The following CALN1 variants were observed in gnomAD, a reference collection of about 807,000 sequenced individuals.
The protein encoded by CALN1 is calcium-binding protein 8.
In CALN1, 17 loss-of-function variants were observed where a neutral mutation model predicts 30.6. The observed-to-expected ratio is 0.56, with a 90% confidence interval of 0.38 to 0.83. The LOEUF is 0.83. CALN1 is among the 40% of genes least tolerant of loss of function. The probability of loss-of-function intolerance (pLI) is 0.00; values close to 1 mark genes in which losing one functional copy is unlikely to be tolerated. For synonymous variants in CALN1, 156 were observed against 131.4 expected, an observed-to-expected ratio of 1.19 and a Z score of -1.28; for missense variants, 291 against 354.9, an observed-to-expected ratio of 0.82 and a Z score of 1.45.
At chr7:71,953,475 C>T (rs1468600422) in intron 5 of CALN1, among the ~76,000 whole-genome samples, 1 of 152,006 alleles carries the variant, frequency 6.6e-6, no homozygotes, top group Admixed American at 6.6e-5. Context: ...GATATAGTCA[C>T]CTCTTCTTCT....
rs145001215 is a variant in CALN1 at position 71,947,260 on chromosome 7, C to G, written c.501+76397G>C. On this transcript the variant is annotated intron_variant, in intron 5 of 6. Coordinates refer to ENST00000395275, the MANE Select transcript of CALN1 (RefSeq NM_031468.4). ...TCCTGACCTCAGGCGATCTGCCCAC[C>G]TCGGCCTCCCGAACTGCCGAGATTA... Among the ~76,000 whole-genome samples the G allele has an allele frequency of 9.2e-3, 1,401 of 152,286 alleles. 20 individuals are homozygous for G. The highest frequency in any genetic ancestry group is 0.031 in the African/African-American group (1,279 of 41,560).
At position 72,051,803 on chromosome 7, in the gene CALN1, G is replaced by GTA. The variant is rs146120784; in HGVS notation, c.389-28035_389-28034insTA. Among the ~76,000 whole-genome samples the GTA allele has an allele frequency of 8.5e-4, 130 of 152,246 alleles. 1 individual carries two copies. Among genetic ancestry groups the GTA allele is most frequent in the African/African-American group, 3.1e-3 (129 of 41,542 alleles). ...AATCAATAGACACAATAAAAAGTGT[G>GTA]GTGGTCTCTATGGAAGCTGCAAACA... On this transcript the variant is annotated intron_variant, in intron 4 of 6. Coordinates refer to ENST00000395275, the MANE Select transcript of CALN1 (RefSeq NM_031468.4).
Position 72,408,487 on chromosome 7 carries a change from T to C in CALN1, c.-74+3571A>G, listed in dbSNP as rs542389580. 1.3e-3 allele frequency among the ~76,000 whole-genome samples: 194 copies of C among 151,904 alleles called. 3 individuals carry two copies. Among genetic ancestry groups the C allele is most frequent in the African/African-American group, 4.3e-3 (178 of 41,412 alleles). On this transcript the variant is annotated intron_variant, in intron 1 of 6. Coordinates refer to ENST00000395275, the MANE Select transcript of CALN1 (RefSeq NM_031468.4). The stretch of plus-strand genomic sequence containing the variant: ...AGAGATAATAAAGACAAAGACTCTC[T>C]AGACGTGAAGGTCAGAGAGCGTAAC...
Position 71,813,652 on chromosome 7 carries a change from G to A in CALN1, c.502-3160C>T, listed in dbSNP as rs572244396. Among the ~76,000 whole-genome samples, 29 of 152,234 alleles carry A rather than the reference G, an allele frequency of 1.9e-4. No individual in the cohort carries two copies. In the South Asian group the frequency reaches 3.5e-3, roughly 19 times the overall value. ...CAAACTTTAAAAGATCTTTGGGGCCGGGCGCGGTGGCTCACGCCTGTCATC... is the reference window on the plus strand; with the variant it reads ...CAAACTTTAAAAGATCTTTGGGGCCAGGCGCGGTGGCTCACGCCTGTCATC... On this transcript the variant is annotated intron_variant, in intron 5 of 6. Coordinates refer to ENST00000395275, the MANE Select transcript of CALN1 (RefSeq NM_031468.4).
intron 5 of CALN1, among the ~76,000 whole-genome samples, chr7:71,942,012 A>C (rs1390845831): frequency 1.3e-5 from 2 of 152,146 alleles, no homozygotes; most frequent in Non-Finnish European, 2.9e-5. Flanking sequence ...CAGCCTGGCC[A>C]ACATAGTGAA....
At chr7:71,925,071 T>G (rs1437497271) in intron 5 of CALN1, among the ~76,000 whole-genome samples, 1 of 152,136 alleles carries the variant, frequency 6.6e-6, no homozygotes, top group African/African-American at 2.4e-5. Flanking sequence ...TGAAACCCTG[T>G]CTCTACTAAA....
chr7:72,481,075 C>T, the CALN1 span, among the ~76,000 whole-genome samples: 8 of 152,186 alleles, frequency 5.3e-5, no homozygotes, highest in African/African-American at 1.7e-4. Context: ...GCCTCAGCCT[C>T]CTGAGTAGCT....
chr7:72,022,977 C>T (rs1347728103), intron 5 of CALN1, among the ~76,000 whole-genome samples: 2 of 149,222 alleles, frequency 1.3e-5, no homozygotes, highest in Non-Finnish European at 3.0e-5. Context: ...GTCTGAATGG[C>T]GTTTTACGTG....
chr7:72,265,451 C>T (rs533454104), intron 3 of CALN1, among the ~76,000 whole-genome samples: 1 of 152,244 alleles, frequency 6.6e-6, no homozygotes, highest in South Asian at 2.1e-4. Context: ...TCAGTGAAGC[C>T]AACATCGGAA....
At chr7:72,025,616 A>T (rs1465789437) in intron 4 of CALN1, among the ~76,000 whole-genome samples, 1 of 152,142 alleles carries the variant, frequency 6.6e-6, no homozygotes, top group African/African-American at 2.4e-5. Flanking sequence ...CCTTCAAGGC[A>T]TTGTTGGGTC....
At chr7:72,183,879 A>G (rs1027344864) in intron 3 of CALN1, among the ~76,000 whole-genome samples, 13 of 152,196 alleles carry the variant, frequency 8.5e-5, no homozygotes, top group African/African-American at 2.9e-4. Context: ...CCTAGCAACT[A>G]AAGTCCCCTC....
At chr7:72,168,799 ATTATTAT>A (rs1454281649) in intron 3 of CALN1, among the ~76,000 whole-genome samples, 2 of 112,436 alleles carry the variant, frequency 1.8e-5, no homozygotes, top group Non-Finnish European at 1.7e-5. Flanking sequence ...TATTATTATT[ATTATTAT>A]TTTTTTTTTT....
At chr7:71,986,633 G>A (rs1038007634) in intron 5 of CALN1, among the ~76,000 whole-genome samples, 1 of 152,160 alleles carries the variant, frequency 6.6e-6, no homozygotes, top group African/African-American at 2.4e-5. Flanking sequence ...AGCCAATGTG[G>A]CCCAGTGGGA....
intron 2 of CALN1, among the ~76,000 whole-genome samples, chr7:72,287,435 ATTTTTTTTTTTT>A (rs71069052): frequency 1.3e-4 from 9 of 68,040 alleles, no homozygotes; most frequent in African/African-American, 1.8e-4. Flanking sequence ...CACCAAATTA[ATTTTTTTTTTTT>A]TTTTTTTTTT....
At chr7:71,869,475 G>T (rs182415793) in intron 5 of CALN1, among the ~76,000 whole-genome samples, 47 of 152,266 alleles carry the variant, frequency 3.1e-4, no homozygotes, top group African/African-American at 1.1e-3. Flanking sequence ...GCCTCCCAAA[G>T]TGTTGGGATT....
intron 2 of CALN1, among the ~76,000 whole-genome samples, chr7:72,380,732 CATAG>C (rs1165065215): frequency 3.9e-5 from 6 of 151,994 alleles, no homozygotes; most frequent in Non-Finnish European, 5.9e-5. Flanking sequence ...TACATAGATA[CATAG>C]ATAGATAGTG....
chr7:72,206,531 C>T (rs1335684683), intron 3 of CALN1, among the ~76,000 whole-genome samples: 1 of 152,076 alleles, frequency 6.6e-6, no homozygotes, highest in Non-Finnish European at 1.5e-5. Context: ...TAGTCAGTGC[C>T]TTATCCTACA....
chr7:72,433,312 C>T (rs1808036580), intron 1 of CALN1, among the ~76,000 whole-genome samples: 1 of 152,178 alleles, frequency 6.6e-6, no homozygotes, highest in Non-Finnish European at 1.5e-5. Context: ...TTCAACCGAG[C>T]AGTCTCCTCC....
intron 5 of CALN1, among the ~76,000 whole-genome samples, chr7:71,999,142 C>G (rs1021062171): frequency 2.0e-5 from 3 of 152,112 alleles, no homozygotes; most frequent in African/African-American, 7.2e-5. Flanking sequence ...ATTATATAAC[C>G]TGAAAATATT....
Sources: allele counts gnomAD v4.1 joint callset (sites outside exome capture counted in the v4.1 genomes callset), GRCh38; gene constraint gnomAD v4.1.1; transcripts MANE v1.5; gene names NCBI Gene and HGNC (gene_info 2026-07-23, HGNC 2026-07-21).